Variants in CDH12 observed in about 807,000 individuals in gnomAD.
The protein encoded by CDH12 is cadherin 12.
CDH12 carries 41 observed loss-of-function variants against 74.1 expected under a neutral mutation model. The ratio of observed to expected loss-of-function variants is 0.55; its 90% CI spans 0.43 to 0.72. CDH12 has a LOEUF of 0.72. Ranked by LOEUF, CDH12 falls within the 30% of genes least tolerant of loss-of-function variation. The probability of loss-of-function intolerance (pLI) is 0.00; values close to 1 mark genes in which losing one functional copy is unlikely to be tolerated. For synonymous variants in CDH12, 399 were observed against 355.0 expected (o/e 1.12, Z -1.39); for missense variants, 945 against 977.2 (o/e 0.97, Z 0.44).
intron 5 of CDH12, among the ~76,000 whole-genome samples, chr5:22,031,224 C>G (rs575212759): frequency 1.3e-5 from 2 of 152,184 alleles, no homozygotes; most frequent in Non-Finnish European, 2.9e-5. Context: ...ATATCAGCTA[C>G]TTAGGAGTCT....
chr5:22,610,775 A>T (rs923495214), intron 1 of CDH12, among the ~76,000 whole-genome samples: 26 of 152,096 alleles, frequency 1.7e-4, no homozygotes, highest in African/African-American at 5.8e-4. Context: ...CTTTACTTAA[A>T]AATATCTAAT....
At chr5:22,817,959 C>T (rs1412279042) in intron 1 of CDH12, among the ~76,000 whole-genome samples, 1 of 151,956 alleles carries the variant, frequency 6.6e-6, no homozygotes, top group African/African-American at 2.4e-5. Context: ...ATTTTGTGGA[C>T]CATGAAAAGT....
intron 3 of CDH12, among the ~76,000 whole-genome samples, chr5:22,300,571 GA>G (rs1737836408): frequency 6.6e-6 from 1 of 152,144 alleles, no homozygotes; most frequent in African/African-American, 2.4e-5. Context: ...AAACGTGAAT[GA>G]CAACAATTTT....
intron 3 of CDH12, among the ~76,000 whole-genome samples, chr5:22,372,190 G>A (rs1437120161): frequency 6.6e-6 from 1 of 152,158 alleles, no homozygotes; most frequent in Non-Finnish European, 1.5e-5. Context: ...GAAGCAGCCA[G>A]TGTATGCCTC....
intron 5 of CDH12, among the ~76,000 whole-genome samples, chr5:22,021,432 G>A (rs1417857614): frequency 4.1e-4 from 63 of 152,166 alleles, no homozygotes; most frequent in Admixed American, 4.1e-3. Flanking sequence ...TGATGACCTA[G>A]GGAAAGTACC....
At chr5:22,458,439 T>C (rs1745377733) in intron 2 of CDH12, among the ~76,000 whole-genome samples, 1 of 152,152 alleles carries the variant, frequency 6.6e-6, no homozygotes, top group Non-Finnish European at 1.5e-5. Flanking sequence ...AGCTTCGGAT[T>C]TCAACATTTC....
chr5:21,942,345 TATACACACACACACAC>T (rs1199501410), intron 6 of CDH12, among the ~76,000 whole-genome samples: 8 of 99,106 alleles, frequency 8.1e-5, no homozygotes, highest in African/African-American at 2.3e-4. Context: ...TATATATATA[TATACACACACACACAC>T]ACACACACAC....
chr5:22,012,298 T>A (rs1181570058), intron 5 of CDH12, among the ~76,000 whole-genome samples: 1 of 152,060 alleles, frequency 6.6e-6, no homozygotes, highest in Non-Finnish European at 1.5e-5. Context: ...ATAATTGTTG[T>A]CAAATAAGTG....
intron 1 of CDH12, among the ~76,000 whole-genome samples, chr5:22,776,030 G>A (rs1225136606): frequency 2.6e-5 from 4 of 152,176 alleles, no homozygotes; most frequent in Non-Finnish European, 4.4e-5. Context: ...TGATTCTGAG[G>A]CCTCCCCAGC....
chr5:22,784,679 C>A (rs1747539284), intron 1 of CDH12, among the ~76,000 whole-genome samples: 1 of 152,126 alleles, frequency 6.6e-6, no homozygotes, highest in South Asian at 2.1e-4. Context: ...CCAATACAGC[C>A]TGGTCCCGTT....
chr5:22,809,583 T>C (rs1339771479), intron 1 of CDH12, among the ~76,000 whole-genome samples: 1 of 151,800 alleles, frequency 6.6e-6, no homozygotes, highest in African/African-American at 2.4e-5. Context: ...GATAAGAATA[T>C]ATAATATTTA....
At chr5:22,683,040 T>A (rs1320439449) in intron 1 of CDH12, among the ~76,000 whole-genome samples, 1 of 152,178 alleles carries the variant, frequency 6.6e-6, no homozygotes, top group African/African-American at 2.4e-5. Context: ...TTATCATTCA[T>A]TTAATTCCAT....
chr5:22,345,457 CA>C (rs1183160502), intron 3 of CDH12, among the ~76,000 whole-genome samples: 3 of 152,120 alleles, frequency 2.0e-5, no homozygotes, highest in Non-Finnish European at 4.4e-5. Context: ...AAATCTAAAA[CA>C]CCAGATTTGT....
intron 1 of CDH12, among the ~76,000 whole-genome samples, chr5:22,725,112 C>T (rs952179475): frequency 4.6e-5 from 7 of 151,722 alleles, no homozygotes; most frequent in South Asian, 2.1e-4. Flanking sequence ...GAGAAAAATC[C>T]GGATTTGAGT....
intron 3 of CDH12, among the ~76,000 whole-genome samples, chr5:22,366,880 C>A (rs1426520881): frequency 6.6e-6 from 1 of 152,158 alleles, no homozygotes; most frequent in Non-Finnish European, 1.5e-5. Flanking sequence ...TTATCTCTGC[C>A]ATTTACTGGA....
At chr5:22,329,228 C>T (rs994425298) in intron 3 of CDH12, among the ~76,000 whole-genome samples, 3 of 152,102 alleles carry the variant, frequency 2.0e-5, no homozygotes, top group African/African-American at 7.2e-5. Context: ...TAAAACAAAA[C>T]ATTTTACCTG....
intron 1 of CDH12, among the ~76,000 whole-genome samples, chr5:22,826,039 G>A (rs1736308255): frequency 6.6e-6 from 1 of 152,222 alleles, no homozygotes; most frequent in South Asian, 2.1e-4. Context: ...TGTACTAGAG[G>A]ACATAGTCAA....
chr5:22,159,143 C>T (rs1748186429), intron 4 of CDH12, among the ~76,000 whole-genome samples: 1 of 151,792 alleles, frequency 6.6e-6, no homozygotes, highest in African/African-American at 2.4e-5. Context: ...AAATAAAGAC[C>T]TAGTAAAAAA....
intron 1 of CDH12, among the ~76,000 whole-genome samples, chr5:22,792,927 GGT>G (rs1288095235): frequency 6.6e-6 from 1 of 152,132 alleles, no homozygotes; most frequent in Non-Finnish European, 1.5e-5. Context: ...TAAAGTGTGA[GGT>G]ACCTCCTAGG....
Sources: gnomAD v4.1 joint callset for allele counts (sites outside exome capture counted in the v4.1 genomes callset) on GRCh38, gnomAD v4.1.1 for gene constraint, MANE v1.5 for transcripts, NCBI Gene and HGNC (gene_info 2026-07-23, HGNC 2026-07-21) for gene names.